Variants in NOL10 observed in about 807,000 individuals in gnomAD.
NOL10 encodes the protein nucleolar protein 10.
In NOL10, 58 loss-of-function variants were observed where a neutral mutation model predicts 103.5. The observed-to-expected ratio is 0.56, with a 90% CI of 0.45 to 0.70. The LOEUF (loss-of-function observed/expected upper bound fraction) is 0.70, where lower values mean the gene tolerates loss of function less well. Ranked by LOEUF, NOL10 falls within the 30% of genes least tolerant of loss-of-function variation. NOL10 has a pLI of 0.00. For missense variants in NOL10, 763 were observed against 807.3 expected, an observed-to-expected ratio of 0.95 and a Z score of 0.67; for synonymous variants, 287 against 282.5, an observed-to-expected ratio of 1.02 and a Z score of -0.16.
chr2:10,689,679 C>A, intron 1 of NOL10, 117 bp downstream of exon 1: 1 of 1,036,534 alleles, frequency 9.6e-7, no homozygotes, highest in South Asian at 1.5e-5. Context: ...CTCCCCGAGT[C>A]GGGGGGTGAC....
At chr2:10,674,058 CAG>C (rs1172361419) in intron 4 of NOL10, among the ~76,000 whole-genome samples, 2 of 145,824 alleles carry the variant, frequency 1.4e-5, no homozygotes, top group Non-Finnish European at 3.0e-5. Context: ...AAAAAAAAAA[CAG>C]AAAAAAAATT....
At chr2:10,598,841 A>C (rs1459005328) in intron 17 of NOL10, among the ~76,000 whole-genome samples, 1 of 152,230 alleles carries the variant, frequency 6.6e-6, no homozygotes, top group East Asian at 1.9e-4. Flanking sequence ...CTTTATTCCT[A>C]ATGTTTTAAA....
intron 17 of NOL10, among the ~76,000 whole-genome samples, chr2:10,592,352 G>A (rs1309600273): frequency 6.6e-6 from 1 of 152,238 alleles, no homozygotes; most frequent in South Asian, 2.1e-4. Context: ...AGAGCATTAG[G>A]AAAAAACGCA....
At chr2:10,577,602 G>C (rs372970827) in intron 20 of NOL10, 34 bp downstream of exon 20, 1 of 1,471,002 alleles carries the variant, frequency 6.8e-7, no homozygotes, top group Non-Finnish European at 9.4e-7. Flanking sequence ...TTTTTCTTTT[G>C]TGAATTAAAA....
chr2:10,663,008 T>G lies in NOL10; in HGVS notation c.628A>C (p.Arg210=). The G allele has an allele frequency of 6.2e-7, 1 of 1,613,994 alleles. No individual in the cohort carries two copies. Among genetic ancestry groups the G allele is most frequent in the Non-Finnish European group, 8.5e-7 (1 of 1,179,854 alleles). Reference sequence around the variant, plus strand: ...AAGGCGCAGTCTAACAGGCCAACTCTGTTTCGAGTTCTTGGGTCCCAGCAC... The same window carrying G: ...AAGGCGCAGTCTAACAGGCCAACTCGGTTTCGAGTTCTTGGGTCCCAGCAC... ...VECWDPRTRN[R]VGLLDCALNS... The change falls in exon 9 of 21, where the codon AGA becomes CGA. Residue 210 remains arginine (R), a synonymous_variant. Transcript: ENST00000381685.
At chr2:10,600,034 C>A (rs775525445) in intron 17 of NOL10, among the ~76,000 whole-genome samples, 11 of 152,086 alleles carry the variant, frequency 7.2e-5, no homozygotes, top group African/African-American at 2.7e-4. Context: ...CTCCTGAGGG[C>A]ACCACACAGC....
chr2:10,600,310 T>C (rs1419106493), intron 17 of NOL10, among the ~76,000 whole-genome samples: 1 of 152,158 alleles, frequency 6.6e-6, no homozygotes, highest in Non-Finnish European at 1.5e-5. Flanking sequence ...TTCACATTAA[T>C]AAAGGAAAGC....
intron 13 of NOL10, among the ~76,000 whole-genome samples, chr2:10,623,734 T>C (rs1030439839): frequency 1.3e-5 from 2 of 152,208 alleles, no homozygotes; most frequent in Non-Finnish European, 2.9e-5. Context: ...AACAACTAAT[T>C]AACACAACTA....
rs201341163 is a variant in NOL10 at position 10,589,274 on chromosome 2, G to T, written c.1613C>A (p.Pro538Gln). Residue 538 changes from proline to glutamine, a missense_variant, in exon 19 of 21, where the codon CCG becomes CAG. Physicochemically the swap from Pro to Gln is moderately conservative, Grantham distance 76. Transcript: ENST00000381685. ...TTCTGCATCACTTGGTTTTCCTTCC[G>T]GCTCTTCCTCCTCTTCCTGAGAATA... ...ELREKEEEEE[P>Q]EGKPSDAESS... 13 of 1,613,268 alleles carry T rather than the reference G, an allele frequency of 8.1e-6. No individual in the cohort carries two copies. The highest frequency in any genetic ancestry group is 1.1e-5 in the Non-Finnish European group (13 of 1,179,830).
chr2:10,636,870 A>T (rs539784503), intron 13 of NOL10, among the ~76,000 whole-genome samples: 1 of 152,242 alleles, frequency 6.6e-6, no homozygotes, highest in African/African-American at 2.4e-5. Flanking sequence ...CCACAGACAG[A>T]AGTTAAAATT....
In NOL10 at chr2:10,589,688, C is replaced by T; in HGVS notation, c.1486G>A (p.Val496Ile). ...CTAAATTCTTCACTCTCTTCATCTA[C>T]TTGGAAGTCAGGGTTCTCAAACATA... Reference protein sequence around the residue: ...KVMFENPDFQVDEESEEFRLL... With the variant: ...KVMFENPDFQIDEESEEFRLL... The change falls in exon 18 of 21, where the codon GTA becomes ATA. Residue 496 changes from valine to isoleucine, a missense_variant. Physicochemically the swap from Val to Ile is conservative, Grantham distance 29. Coordinates refer to ENST00000381685, the MANE Select transcript of NOL10 (RefSeq NM_024894.4). 1.9e-6 allele frequency: 3 copies of T among 1,585,986 alleles called. No individual in the cohort carries two copies. The highest frequency in any genetic ancestry group is 1.7e-6 in the Non-Finnish European group (2 of 1,167,702).
intron 19 of NOL10, among the ~76,000 whole-genome samples, chr2:10,580,275 C>T (rs1212497334): frequency 6.6e-6 from 1 of 152,200 alleles, no homozygotes; most frequent in Non-Finnish European, 1.5e-5. Context: ...CACCACACTG[C>T]ATGCGCTTCT....
intron 13 of NOL10, among the ~76,000 whole-genome samples, chr2:10,615,669 C>T (rs1367912173): frequency 2.0e-5 from 3 of 152,072 alleles, no homozygotes; most frequent in Non-Finnish European, 2.9e-5. Context: ...GAAACTTAAC[C>T]GGGTAAACAT....
chr2:10,587,222 T>C lies in NOL10; in HGVS notation c.1844+1821A>G, dbSNP rs60140909. Reference sequence around the variant, plus strand: ...ATATATACACATATATATATACATATATATACATATATATATACATACATA... The same window carrying C: ...ATATATACACATATATATATACATACATATACATATATATATACATACATA... On this transcript the variant is annotated intron_variant, in intron 19 of 20. Coordinates refer to ENST00000381685, the MANE Select transcript of NOL10 (RefSeq NM_024894.4). Among the ~76,000 whole-genome samples the C allele has an allele frequency of 6.8e-5, 4 of 58,574 alleles. 2 individuals are homozygous for C. The highest frequency in any genetic ancestry group is 3.7e-4 in the Admixed American group (2 of 5,342). 38.4% of individuals were successfully genotyped at this position (58,574 alleles called of 152,430 possible). A position where few individuals can be genotyped will look rare whatever the true frequency, so the allele number is the denominator to read the frequency against.
intron 13 of NOL10, among the ~76,000 whole-genome samples, chr2:10,643,833 A>T (rs992894053): frequency 6.6e-6 from 1 of 152,268 alleles, no homozygotes; most frequent in Non-Finnish European, 1.5e-5. Context: ...AACAGTTCCC[A>T]TAAAAGAATG....
intron 19 of NOL10, 50 bp downstream of exon 19, chr2:10,588,993 A>C: frequency 6.3e-7 from 1 of 1,597,192 alleles, no homozygotes; most frequent in East Asian, 2.2e-5. Flanking sequence ...AGAGAGGAAA[A>C]GCAAGGGCTT....
At chr2:10,669,511 TATACACACAC>T (rs1468886527) in intron 6 of NOL10, among the ~76,000 whole-genome samples, 2 of 95,144 alleles carry the variant, frequency 2.1e-5, no homozygotes, top group East Asian at 2.2e-4. Flanking sequence ...CACACACATA[TATACACACAC>T]ACACACACAC....
intron 14 of NOL10, among the ~76,000 whole-genome samples, chr2:10,605,265 T>A (rs1297300960): frequency 6.6e-6 from 1 of 152,198 alleles, no homozygotes; most frequent in Non-Finnish European, 1.5e-5. Flanking sequence ...GAACGCACTG[T>A]GGGAAATACC....
At chr2:10,574,451 T>A (rs1674345327) in intron 20 of NOL10, among the ~76,000 whole-genome samples, 1 of 152,124 alleles carries the variant, frequency 6.6e-6, no homozygotes, top group African/African-American at 2.4e-5. Flanking sequence ...ATCAAGATCA[T>A]CCTGGCTAAC....
Sources: gnomAD v4.1 joint callset for allele counts (sites outside exome capture counted in the v4.1 genomes callset) on GRCh38, gnomAD v4.1.1 for gene constraint, MANE v1.5 for transcripts, NCBI Gene and HGNC (gene_info 2026-07-23, HGNC 2026-07-21) for gene names.